Variants in SPMIP3 observed in about 807,000 individuals in gnomAD.
SPMIP3 encodes the protein sperm microtubule inner protein 3, also known as protein SPMIP3.
the SPMIP3 span, among the ~76,000 whole-genome samples, chr1:244,383,615 A>C: frequency 1.3e-5 from 2 of 152,234 alleles, no homozygotes; most frequent in South Asian, 4.1e-4. Context: ...TTCCCTTAGG[A>C]AATGATGAGC....
chr1:244,355,729 C>T, the SPMIP3 span, among the ~76,000 whole-genome samples: 1 of 152,150 alleles, frequency 6.6e-6, no homozygotes, highest in Non-Finnish European at 1.5e-5. Context: ...TACAAAAAGT[C>T]CTGCTGGGAT....
the SPMIP3 span, among the ~76,000 whole-genome samples, chr1:244,387,925 CTT>C: frequency 2.8e-5 from 4 of 143,956 alleles, no homozygotes; most frequent in Non-Finnish European, 3.1e-5. Flanking sequence ...TTGCTTTTCT[CTT>C]TTTTTTTTTT....
At chr1:244,373,340 A>G in the SPMIP3 span, among the ~76,000 whole-genome samples, 1 of 133,128 alleles carries the variant, frequency 7.5e-6, no homozygotes, top group South Asian at 2.3e-4. Flanking sequence ...AATTATATAT[A>G]TATATATATG....
At chr1:244,376,457 A>G in the SPMIP3 span, 1 of 152,138 alleles carries the variant, frequency 6.6e-6, no homozygotes, top group Non-Finnish European at 1.5e-5. Context: ...ACAGCAGCTC[A>G]TCTCATCTAT....
At chr1:244,369,775 G>A in the SPMIP3 span, among the ~76,000 whole-genome samples, 1 of 152,172 alleles carries the variant, frequency 6.6e-6, no homozygotes, top group African/African-American at 2.4e-5. Flanking sequence ...GTTAGGACTA[G>A]GTGTGCTGTT....
chr1:244,377,207 C>T, the SPMIP3 span, among the ~76,000 whole-genome samples: 1 of 150,540 alleles, frequency 6.6e-6, no homozygotes, highest in Non-Finnish European at 1.5e-5. Flanking sequence ...CTGCAAGCTC[C>T]GCCCCCCGGG....
At chr1:244,364,674 T>C in the SPMIP3 span, 29 of 1,610,406 alleles carry the variant, frequency 1.8e-5, no homozygotes, top group East Asian at 3.1e-4. Context: ...CTTTATGCCA[T>C]AATTTTTTTT....
chr1:244,358,336 C>A, the SPMIP3 span, among the ~76,000 whole-genome samples: 1 of 152,092 alleles, frequency 6.6e-6, no homozygotes, highest in Non-Finnish European at 1.5e-5. Context: ...GTAATCCCAG[C>A]ACTTAGGGAG....
the SPMIP3 span, among the ~76,000 whole-genome samples, chr1:244,367,214 G>C: frequency 6.6e-6 from 1 of 152,172 alleles, no homozygotes; most frequent in Admixed American, 6.5e-5. Context: ...AGTTCCCGGA[G>C]GGCTTTGTGG....
the SPMIP3 span, among the ~76,000 whole-genome samples, chr1:244,358,194 C>T: frequency 5.3e-5 from 8 of 151,064 alleles, no homozygotes; most frequent in Non-Finnish European, 8.9e-5. Context: ...CACGCCATTG[C>T]ACTCCAGCCT....
the SPMIP3 span, among the ~76,000 whole-genome samples, chr1:244,357,470 G>T: frequency 9.5e-3 from 1,441 of 152,156 alleles, 26 homozygotes; most frequent in African/African-American, 0.033. Context: ...AGCACTTTGG[G>T]GGGGCCAAGG....
chr1:244,370,993 A>G, the SPMIP3 span, among the ~76,000 whole-genome samples: 1 of 152,210 alleles, frequency 6.6e-6, no homozygotes, highest in African/African-American at 2.4e-5. Context: ...GCAGGGCCGT[A>G]ACAGAGAAGA....
the SPMIP3 span, among the ~76,000 whole-genome samples, chr1:244,366,690 G>A: frequency 1.3e-5 from 2 of 152,048 alleles, no homozygotes; most frequent in East Asian, 1.9e-4. Context: ...GACCAGCCTG[G>A]CCAACATGGT....
At chr1:244,375,372 T>C in the SPMIP3 span, 2 of 1,612,466 alleles carry the variant, frequency 1.2e-6, no homozygotes, top group Non-Finnish European at 1.7e-6. Context: ...TCTGCTCTAG[T>C]ATATTCATCG....
At chr1:244,356,567 A>G in the SPMIP3 span, among the ~76,000 whole-genome samples, 1 of 152,182 alleles carries the variant, frequency 6.6e-6, no homozygotes, top group African/African-American at 2.4e-5. Context: ...TGTATTGTTA[A>G]ATTTTAATTT....
At chr1:244,379,313 T>G in the SPMIP3 span, among the ~76,000 whole-genome samples, 2 of 151,612 alleles carry the variant, frequency 1.3e-5, no homozygotes, top group Non-Finnish European at 2.9e-5. Flanking sequence ...GCAATCCTCC[T>G]GGCTTAGTCT....
the SPMIP3 span, among the ~76,000 whole-genome samples, chr1:244,371,966 T>C: frequency 6.6e-6 from 1 of 152,130 alleles, no homozygotes; most frequent in Admixed American, 6.5e-5. Flanking sequence ...CAGCCTGTGG[T>C]TTTTCTGCAA....
chr1:244,353,311 G>A, the SPMIP3 span, among the ~76,000 whole-genome samples: 5 of 152,132 alleles, frequency 3.3e-5, no homozygotes, highest in Non-Finnish European at 5.9e-5. Flanking sequence ...CTGGGAGGCC[G>A]AGGTGGGAGA....
the SPMIP3 span, chr1:244,389,086 A>G: frequency 6.3e-7 from 1 of 1,592,532 alleles, no homozygotes; most frequent in Non-Finnish European, 8.6e-7. Context: ...CATTCGAACA[A>G]AATAACGTTT....
Sources: allele counts gnomAD v4.1 joint callset (sites outside exome capture counted in the v4.1 genomes callset), GRCh38; gene constraint gnomAD v4.1.1; transcripts MANE v1.5; gene names NCBI Gene and HGNC (gene_info 2026-07-23, HGNC 2026-07-21).